MYO10: variants seen among roughly 807,000 people sequenced by gnomAD.
MYO10 encodes the protein myosin X.
In MYO10, 133 loss-of-function variants were observed where a neutral mutation model predicts 257.3. The observed-to-expected ratio is 0.52, with a 90% CI of 0.45 to 0.60. The LOEUF (loss-of-function observed/expected upper bound fraction) is 0.60, where lower values mean the gene tolerates loss of function less well. Among genes scored for constraint, MYO10 ranks in the 20% least tolerant of loss-of-function variants. MYO10 has a pLI of 0.00. For synonymous variants in MYO10, 1,104 were observed against 1,028.6 expected (o/e 1.07, Z -1.40); for missense variants, 2,399 against 2,635.7 (o/e 0.91, Z 1.97).
At chr5:16,778,241 G>A (rs1211277399) in intron 9 of MYO10, among the ~76,000 whole-genome samples, 1 of 152,088 alleles carries the variant, frequency 6.6e-6, no homozygotes. Flanking sequence ...GGGGCTGTTC[G>A]CAACGCTCGA....
chr5:16,749,032 T>G (rs370753677), intron 19 of MYO10, among the ~76,000 whole-genome samples: 43 of 152,234 alleles, frequency 2.8e-4, no homozygotes, highest in African/African-American at 1.0e-3. Context: ...CCCACAAGGC[T>G]CACGTGACCT....
chr5:16,913,172 A>T (rs1745715266), intron 1 of MYO10, among the ~76,000 whole-genome samples: 2 of 78,252 alleles, frequency 2.6e-5, no homozygotes, highest in Non-Finnish European at 5.8e-5. Flanking sequence ...TAGGTTATAG[A>T]GGAAAAAAAA....
chr5:16,781,736 T>C lies in MYO10; in HGVS notation c.696A>G (p.Lys232=), dbSNP rs760784365. Residue 232 remains lysine (K), a synonymous_variant, in exon 6 of 41, where the codon AAA becomes AAG. Coordinates refer to ENST00000513610, the MANE Select transcript of MYO10 (RefSeq NM_012334.3). The part of the protein sequence containing the change: ...GKFVQLNICQ[K]GNIQGGRIVD... ...CAATTCTCCCGCCCTGAATATTTCC[T>C]TTCTGACAGATGTTCAGCTGAACAA... is the stretch of plus-strand genomic sequence containing the variant. The C allele has an allele frequency of 3.7e-6, 6 of 1,614,000 alleles. No individual in the cohort carries two copies. Among genetic ancestry groups the C allele is most frequent in the East Asian group, 2.2e-5 (1 of 44,884 alleles).
In MYO10 at chr5:16,935,952, T is replaced by C; in HGVS notation, c.-144A>G. ...GGGCTCCCCTGCTGCCATCGCCCGGTCCCTTCTTGTCCTTCTCACCTTTTG... is the reference window on the plus strand; with the variant it reads ...GGGCTCCCCTGCTGCCATCGCCCGGCCCCTTCTTGTCCTTCTCACCTTTTG... On this transcript the variant is annotated 5_prime_UTR_variant, in exon 1 of 41. Transcript: ENST00000513610. 1 of 916,788 alleles carries C rather than the reference T, an allele frequency of 1.1e-6. No individual in the cohort carries two copies. Among genetic ancestry groups the C allele is most frequent in the South Asian group, 1.6e-5 (1 of 63,356 alleles). 56.8% of individuals were successfully genotyped at this position (916,788 alleles called of 1,614,324 possible).
chr5:16,839,856 C>T (rs1487698187), intron 2 of MYO10, among the ~76,000 whole-genome samples: 5 of 152,072 alleles, frequency 3.3e-5, no homozygotes, highest in South Asian at 2.1e-4. Context: ...TAGGCTATGG[C>T]GTTCAGTAGG....
intron 2 of MYO10, among the ~76,000 whole-genome samples, chr5:16,822,621 A>T (rs1263775057): frequency 1.3e-5 from 2 of 152,148 alleles, no homozygotes; most frequent in Non-Finnish European, 2.9e-5. Context: ...TAGTATCTTA[A>T]TACATTATTG....
rs1207219456 is a variant in MYO10 at position 16,783,366 on chromosome 5, A to T, written c.571T>A (p.Ser191Thr). Reference sequence around the variant, plus strand: ...TCAAGAATAGCTCGTTCAACACAGGATGTCTTCTCCTTTAAGGACAATTCC... The same window carrying T: ...TCAAGAATAGCTCGTTCAACACAGGTTGTCTTCTCCTTTAAGGACAATTCC... ...SLELSLKEKT[S>T]CVERAILESS... The change falls in exon 5 of 41, where the codon TCC becomes ACC. Residue 191 changes from serine to threonine, a missense_variant. Ser to Thr is a moderately conservative substitution (Grantham distance 58). Around this residue, in one of 3 missense-constraint regions of MYO10, gnomAD observed 242 missense variants for 249.5 expected, o/e 0.97. Transcript: ENST00000513610. 6.3e-7 allele frequency: 1 copy of T among 1,598,588 alleles called. No homozygotes were observed. The highest frequency in any genetic ancestry group is 8.5e-7 in the Non-Finnish European group (1 of 1,172,886).
chr5:16,840,640 A>G (rs1397711579), intron 2 of MYO10, among the ~76,000 whole-genome samples: 3 of 152,136 alleles, frequency 2.0e-5, no homozygotes, highest in Non-Finnish European at 4.4e-5. Context: ...ACATAAATGC[A>G]TATGTGTCTT....
At chr5:16,779,508 G>T in intron 9 of MYO10, 37 bp downstream of exon 9, 1 of 1,247,734 alleles carries the variant, frequency 8.0e-7, no homozygotes, top group South Asian at 1.5e-5. Flanking sequence ...TAAGGTATCT[G>T]ATATCTTAAT....
chr5:16,683,313 G>A (rs1383105279), intron 30 of MYO10, among the ~76,000 whole-genome samples: 1 of 152,152 alleles, frequency 6.6e-6, no homozygotes, highest in Non-Finnish European at 1.5e-5. Flanking sequence ...AGATAATACA[G>A]AAAAACAGAG....
chr5:16,904,897 C>G (rs1452353726), intron 1 of MYO10, among the ~76,000 whole-genome samples: 2 of 152,012 alleles, frequency 1.3e-5, no homozygotes, highest in African/African-American at 4.8e-5. Context: ...CCACTGCACT[C>G]CAGGCTGGGC....
At chr5:16,671,032 T>C in intron 38 of MYO10, 54 bp from the exon 39 acceptor site, 1 of 1,471,564 alleles carries the variant, frequency 6.8e-7, no homozygotes, top group South Asian at 1.3e-5. Flanking sequence ...TGCCATGGGA[T>C]GCCCACGTCG....
At chr5:16,827,315 T>C (rs894445568) in intron 2 of MYO10, among the ~76,000 whole-genome samples, 1 of 152,142 alleles carries the variant, frequency 6.6e-6, no homozygotes, top group Non-Finnish European at 1.5e-5. Flanking sequence ...AGACGGAGTC[T>C]CACTGTCACC....
rs536313603 is a variant in MYO10, at chr5:16,927,835, A to T, written c.21+7953T>A. ...GTAACTGGCAGCATTAGATGACATG[A>T]TGTCATGTGACATGAGGTGCTAGAT... On this transcript the variant is annotated intron_variant, in intron 1 of 40. Transcript: ENST00000513610. Among the ~76,000 whole-genome samples, 8 of 152,304 alleles carry T rather than the reference A, an allele frequency of 5.3e-5. No homozygotes were observed. In the South Asian group the frequency reaches 1.7e-3, roughly 32 times the overall value.
chr5:16,672,879 G>A, intron 36 of MYO10, 54 bp from the exon 37 acceptor site: 1 of 1,582,060 alleles, frequency 6.3e-7, no homozygotes. Flanking sequence ...CCCAACACGT[G>A]TTCCCAGAAC....
At chr5:16,777,496 A>C (rs1253608348) in intron 9 of MYO10, among the ~76,000 whole-genome samples, 1 of 152,232 alleles carries the variant, frequency 6.6e-6, no homozygotes, top group South Asian at 2.1e-4. Flanking sequence ...ATGAAAAGGA[A>C]AACAGAATGA....
At chr5:16,794,595 G>A (rs764514345) in intron 4 of MYO10, 51 bp downstream of exon 4, 35 of 1,519,222 alleles carry the variant, frequency 2.3e-5, no homozygotes, top group Non-Finnish European at 2.8e-5. Flanking sequence ...GGGGGTGCGC[G>A]GAGGGACTCC....
At chr5:16,674,095 C>T (rs996290848) in intron 35 of MYO10, among the ~76,000 whole-genome samples, 1 of 152,218 alleles carries the variant, frequency 6.6e-6, no homozygotes, top group Non-Finnish European at 1.5e-5. Context: ...GAGCCAATGT[C>T]TCACTGGGAG....
chr5:16,683,977 A>C lies in MYO10; in HGVS notation c.3991-42T>G, dbSNP rs753853756. 40 of 1,585,750 alleles carry C rather than the reference A, an allele frequency of 2.5e-5. No individual in the cohort carries two copies. The East Asian group carries it at 8.1e-4, about 32-fold the overall frequency. On this transcript the variant is annotated intron_variant, in intron 29 of 40. Coordinates refer to ENST00000513610, the MANE Select transcript of MYO10 (RefSeq NM_012334.3). The stretch of plus-strand genomic sequence containing the variant: ...AGTAAACAGAATGAGAGAAGCACTA[A>C]AGTAGGGTGCACACTACAGTAATAC...
Sources: gnomAD v4.1 joint callset for allele counts (sites outside exome capture counted in the v4.1 genomes callset) on GRCh38, gnomAD v4.1.1 for gene constraint, gnomAD v4.1.1 regional missense constraint, MANE v1.5 for transcripts, NCBI Gene and HGNC (gene_info 2026-07-23, HGNC 2026-07-21) for gene names.